DMD: variants seen among roughly 807,000 people sequenced by gnomAD.
The protein encoded by DMD is mutant dystrophin.
DMD carries 63 observed loss-of-function variants against 330.1 expected under a neutral mutation model. The observed-to-expected ratio is 0.19, with a 90% CI of 0.16 to 0.24. The LOEUF (loss-of-function observed/expected upper bound fraction) is 0.24. Among genes scored for constraint, DMD ranks in the 10% least tolerant of loss-of-function variants. The pLI, the probability that DMD is intolerant of heterozygous loss-of-function variation, is 1.00. For synonymous variants in DMD, 1,223 were observed against 959.8 expected (o/e 1.27, Z -5.07); for missense variants, 3,344 against 2,684.1 (o/e 1.25, Z -5.43).
intron 1 of DMD, among the ~76,000 whole-genome samples, chrX:33,104,247 C>T (rs1053380046): frequency 3.6e-5 from 4 of 111,577 alleles, no homozygotes; most frequent in East Asian, 2.8e-4. Flanking sequence ...ATGTTAATAA[C>T]GTTTTAAAAT....
intron 2 of DMD, among the ~76,000 whole-genome samples, chrX:32,926,291 A>C (rs775572554): frequency 8.9e-6 from 1 of 111,943 alleles, no homozygotes; most frequent in Admixed American, 9.5e-5. Flanking sequence ...GTTACCAGAG[A>C]CTGGGAGGAG....
chrX:32,514,066 C>T (rs150770618), intron 18 of DMD, among the ~76,000 whole-genome samples: 16 of 110,145 alleles, frequency 1.5e-4, no homozygotes, highest in African/African-American at 5.3e-4. Flanking sequence ...AAAACACAAC[C>T]GGTTTAAAAG....
chrX:31,528,939 T>C (rs953355021), intron 55 of DMD, among the ~76,000 whole-genome samples: 1 of 111,262 alleles, frequency 9.0e-6, no homozygotes, highest in African/African-American at 3.3e-5. Flanking sequence ...GAGATCAGCC[T>C]GGGCAATGTA....
intron 55 of DMD, among the ~76,000 whole-genome samples, chrX:31,515,145 T>C (rs374605593): frequency 8.8e-4 from 98 of 111,616 alleles, no homozygotes; most frequent in African/African-American, 3.1e-3. Flanking sequence ...GATGTTTTAC[T>C]AGAAGAAAAA....
intron 2 of DMD, among the ~76,000 whole-genome samples, chrX:32,874,707 A>G (rs1371480527): frequency 8.9e-6 from 1 of 111,870 alleles, no homozygotes; most frequent in East Asian, 2.8e-4. Context: ...ATGATGTTAT[A>G]GGTCTTCCAA....
At chrX:32,370,408 T>C (rs755647966) in intron 34 of DMD, among the ~76,000 whole-genome samples, 1 of 111,137 alleles carries the variant, frequency 9.0e-6, no homozygotes, top group South Asian at 3.7e-4. Flanking sequence ...AATATAATGA[T>C]ACATTCAAAA....
intron 29 of DMD, among the ~76,000 whole-genome samples, chrX:32,417,953 TA>T (rs761738473): frequency 3.8e-3 from 368 of 95,651 alleles, no homozygotes; most frequent in Middle Eastern, 5.4e-3. Context: ...GAAGTGCAGT[TA>T]AAAAAAAAAA....
chrX:32,202,336 G>A (rs911855902), intron 44 of DMD, among the ~76,000 whole-genome samples: 2 of 111,340 alleles, frequency 1.8e-5, no homozygotes, highest in East Asian at 2.8e-4. Flanking sequence ...CATCTTAATC[G>A]CATTCACTGC....
intron 48 of DMD, among the ~76,000 whole-genome samples, chrX:31,874,485 A>C (rs2093938631): frequency 8.9e-6 from 1 of 111,902 alleles, no homozygotes; most frequent in Admixed American, 9.5e-5. Context: ...CAATTAAAAC[A>C]GGGATAGAAA....
chrX:33,200,032 A>G (rs1403115293), intron 1 of DMD, among the ~76,000 whole-genome samples: 2 of 111,812 alleles, frequency 1.8e-5, no homozygotes, highest in Non-Finnish European at 3.8e-5. Context: ...ACTGATGCAT[A>G]TAAGAGATAG....
At chrX:31,174,097 C>G (rs1401107206) in intron 71 of DMD, among the ~76,000 whole-genome samples, 1 of 111,722 alleles carries the variant, frequency 9.0e-6, no homozygotes, top group African/African-American at 3.2e-5. Context: ...TCTTAAAACT[C>G]CATGTATCAA....
chrX:31,208,421 C>G (rs1329492248), intron 65 of DMD, among the ~76,000 whole-genome samples: 7 of 112,066 alleles, frequency 6.2e-5, no homozygotes, highest in Admixed American at 5.7e-4. Flanking sequence ...AGAATGCATT[C>G]ACATGTCATC....
chrX:31,863,913 TTTAAA>T (rs909588825), intron 48 of DMD, among the ~76,000 whole-genome samples: 2 of 111,018 alleles, frequency 1.8e-5, no homozygotes, highest in African/African-American at 3.3e-5. Context: ...AAAAATATGA[TTTAAA>T]TAAAAAGGAA....
intron 59 of DMD, among the ~76,000 whole-genome samples, chrX:31,448,011 CAAAAAAAAAAA>C (rs1198070119): frequency 2.5e-4 from 9 of 35,300 alleles, no homozygotes; most frequent in East Asian, 8.2e-4. Context: ...ACTCTGTCTC[CAAAAAAAAAAA>C]AAAAAAAAAA....
At chrX:31,386,758 T>C (rs1489595418) in intron 60 of DMD, among the ~76,000 whole-genome samples, 2 of 112,096 alleles carry the variant, frequency 1.8e-5, no homozygotes, top group African/African-American at 6.5e-5. Flanking sequence ...ACAAAGGAAC[T>C]CTTTGGTTTC....
intron 47 of DMD, 54 bp from the exon 48 acceptor site, chrX:31,875,427 A>G: frequency 1.1e-6 from 1 of 931,634 alleles, no homozygotes; most frequent in African/African-American, 2.0e-5. Context: ...CATAAGCCAA[A>G]ATGTTTAAAA....
intron 1 of DMD, among the ~76,000 whole-genome samples, chrX:33,067,128 G>A (rs1445617018): frequency 8.9e-6 from 1 of 111,881 alleles, no homozygotes; most frequent in Non-Finnish European, 1.9e-5. Flanking sequence ...TGTCTGCAGG[G>A]AGTTTTTCAG....
intron 1 of DMD, among the ~76,000 whole-genome samples, chrX:33,061,351 T>C (rs980632988): frequency 1.8e-5 from 2 of 112,148 alleles, no homozygotes; most frequent in South Asian, 3.7e-4. Flanking sequence ...CAGATCATAG[T>C]ATGCAGATTT....
At position 31,505,197 on chromosome X, in the gene DMD, T is replaced by G. The variant is rs145417981; in HGVS notation, c.8390+2084A>C. On this transcript the variant is annotated intron_variant, in intron 56 of 78. Coordinates refer to ENST00000357033, the MANE Select transcript of DMD (RefSeq NM_004006.3). ...CATTCTTTTTTAATGACGAAGGTTATCAAAGTGGCCTACGTCATCACACAT... is the reference window on the plus strand; with the variant it reads ...CATTCTTTTTTAATGACGAAGGTTAGCAAAGTGGCCTACGTCATCACACAT... 4.7e-3 allele frequency among the ~76,000 whole-genome samples: 526 copies of G among 111,882 alleles called. 4 individuals are homozygous for G. Among genetic ancestry groups the G allele is most frequent in the African/African-American group, 0.016 (488 of 30,794 alleles).
Sources: gnomAD v4.1 joint callset for allele counts (sites outside exome capture counted in the v4.1 genomes callset) on GRCh38, gnomAD v4.1.1 for gene constraint, MANE v1.5 for transcripts, NCBI Gene and HGNC (gene_info 2026-07-23, HGNC 2026-07-21) for gene names.